The following GBE1 variants were observed in gnomAD, a reference collection of about 807,000 sequenced individuals.
GBE1 encodes the protein 1,4-alpha-glucan branching enzyme 1.
Under a neutral mutation model 88.8 loss-of-function variants are expected in GBE1, and 70 were observed. The ratio of observed to expected loss-of-function variants is 0.79; its 90% CI spans 0.65 to 0.96. The LOEUF (loss-of-function observed/expected upper bound fraction) is 0.96, where lower values mean the gene tolerates loss of function less well. Among genes scored for constraint, GBE1 ranks in the 40% least tolerant of loss-of-function variants. The pLI, the probability that GBE1 is intolerant of heterozygous loss-of-function variation, is 0.00. For synonymous variants in GBE1, 284 were observed against 300.1 expected (o/e 0.95, Z 0.56); for missense variants, 872 against 871.0 (o/e 1.00, Z -0.01).
chr3:81,679,436 G>T (rs1167446563), intron 2 of GBE1, among the ~76,000 whole-genome samples: 1 of 152,104 alleles, frequency 6.6e-6, no homozygotes, highest in East Asian at 1.9e-4. Context: ...ATCAATCAGG[G>T]TTCACTAAGA....
At chr3:81,541,148 A>G (rs1703137750) in intron 12 of GBE1, among the ~76,000 whole-genome samples, 1 of 151,972 alleles carries the variant, frequency 6.6e-6, no homozygotes, top group Non-Finnish European at 1.5e-5. Context: ...GCTTGCTGTT[A>G]GTATCTTGAC....
chr3:81,744,664 T>C (rs141738030), intron 1 of GBE1, among the ~76,000 whole-genome samples: 8 of 152,328 alleles, frequency 5.3e-5, no homozygotes, highest in African/African-American at 1.9e-4. Flanking sequence ...TTTTCAGATA[T>C]GATTTGCAAG....
chr3:81,734,996 A>G (rs1028301863), intron 1 of GBE1, among the ~76,000 whole-genome samples: 8 of 151,988 alleles, frequency 5.3e-5, no homozygotes, highest in Non-Finnish European at 7.4e-5. Context: ...CCTTTATCTG[A>G]TGTATCTACA....
chr3:81,642,698 A>G (rs1054683594), intron 7 of GBE1, 83 bp downstream of exon 7: 1 of 870,186 alleles, frequency 1.1e-6, no homozygotes, highest in Non-Finnish European at 1.9e-6. Context: ...GAGAGAGTAC[A>G]CACACAATGA....
chr3:81,527,225 T>C lies in GBE1; in HGVS notation c.1934+7970A>G, dbSNP rs534291269. On this transcript the variant is annotated intron_variant, in intron 14 of 15. Transcript: ENST00000429644. ...GCCTTATATTAAAATTAATTCAAGATGGATTAAATATTTACATGTTAGACC... is the reference window on the plus strand; with the variant it reads ...GCCTTATATTAAAATTAATTCAAGACGGATTAAATATTTACATGTTAGACC... 1.2e-3 allele frequency among the ~76,000 whole-genome samples: 184 copies of C among 152,234 alleles called. 1 individual carries two copies. The highest frequency in any genetic ancestry group is 4.3e-3 in the African/African-American group (179 of 41,544).
intron 1 of GBE1, among the ~76,000 whole-genome samples, chr3:81,728,231 G>A (rs1382216682): frequency 2.6e-5 from 4 of 152,032 alleles, no homozygotes; most frequent in African/African-American, 7.2e-5. Flanking sequence ...AATCAAAAAC[G>A]TCTGTCATCC....
At chr3:81,607,862 A>G (rs1172443848) in intron 7 of GBE1, among the ~76,000 whole-genome samples, 3 of 152,202 alleles carry the variant, frequency 2.0e-5, no homozygotes. Flanking sequence ...CTTTTATGTT[A>G]GAATTTTTAT....
At chr3:81,505,433 A>G (rs942510041) in intron 14 of GBE1, among the ~76,000 whole-genome samples, 1 of 152,214 alleles carries the variant, frequency 6.6e-6, no homozygotes, top group African/African-American at 2.4e-5. Context: ...AGGGCTTGCC[A>G]CAATGTTCCA....
At chr3:81,717,116 T>G (rs1705948324) in intron 1 of GBE1, among the ~76,000 whole-genome samples, 1 of 152,220 alleles carries the variant, frequency 6.6e-6, no homozygotes, top group African/African-American at 2.4e-5. Context: ...GGCAATGCTG[T>G]AACTGTTCAA....
intron 7 of GBE1, among the ~76,000 whole-genome samples, chr3:81,618,188 G>A (rs904072043): frequency 2.0e-5 from 3 of 151,916 alleles, no homozygotes; most frequent in Non-Finnish European, 2.9e-5. Flanking sequence ...CTTAGTTTTC[G>A]TTCATCTGAG....
rs751619568 is a variant in GBE1, at chr3:81,591,068, G to A, written c.1205C>T (p.Thr402Met). The stretch of plus-strand genomic sequence containing the variant: ...TATTGTTATAGAATCGGGACACAGC[G>A]TGTGAACCAAATGATTTGCCAACAT... ...YLMLANHLVH[T>M]LCPDSITIAE... Residue 402 changes from threonine (T) to methionine (M), a missense_variant, in exon 9 of 16, where the codon ACG becomes ATG. Coordinates refer to ENST00000429644, the MANE Select transcript of GBE1 (RefSeq NM_000158.4). 6 of 1,609,702 alleles carry A rather than the reference G, an allele frequency of 3.7e-6. No individual in the cohort carries two copies. In the Admixed American group the frequency reaches 5.0e-5, roughly 14 times the overall value.
At chr3:81,710,577 C>G (rs1047222724) in intron 1 of GBE1, among the ~76,000 whole-genome samples, 4 of 151,940 alleles carry the variant, frequency 2.6e-5, no homozygotes, top group African/African-American at 9.7e-5. Context: ...ATCCCTTAAT[C>G]TCCTTTTTCC....
intron 10 of GBE1, among the ~76,000 whole-genome samples, chr3:81,582,811 G>A (rs1177316469): frequency 3.9e-5 from 6 of 152,000 alleles, no homozygotes; most frequent in East Asian, 1.9e-4. Context: ...AAAACCATAA[G>A]AGAGTCAAAA....
At chr3:81,699,999 G>C (rs76294891) in intron 2 of GBE1, among the ~76,000 whole-genome samples, 1 of 152,180 alleles carries the variant, frequency 6.6e-6, no homozygotes, top group Non-Finnish European at 1.5e-5. Context: ...AGCCATCCTA[G>C]AGTTTCTTCA....
intron 12 of GBE1, among the ~76,000 whole-genome samples, chr3:81,541,621 T>G (rs1703144648): frequency 6.6e-6 from 1 of 151,996 alleles, no homozygotes; most frequent in Non-Finnish European, 1.5e-5. Flanking sequence ...TTTCTTCTGC[T>G]GTGGAGGATA....
At chr3:81,556,953 A>G (rs1217752203) in intron 12 of GBE1, among the ~76,000 whole-genome samples, 1 of 152,120 alleles carries the variant, frequency 6.6e-6, no homozygotes, top group East Asian at 1.9e-4. Context: ...TTTATCGAAC[A>G]TTTATTAAAT....
chr3:81,507,424 T>C (rs1462323621), intron 14 of GBE1, among the ~76,000 whole-genome samples: 4 of 151,786 alleles, frequency 2.6e-5, no homozygotes. Flanking sequence ...ATTAGCCAGG[T>C]GTGGTGGCGG....
chr3:81,520,536 T>C (rs2106845416), intron 14 of GBE1, among the ~76,000 whole-genome samples: 1 of 151,550 alleles, frequency 6.6e-6, no homozygotes, highest in East Asian at 1.9e-4. Context: ...AATGCCAACT[T>C]GATAATGTTC....
chr3:81,545,479 G>T (rs1485153684), intron 12 of GBE1, among the ~76,000 whole-genome samples: 1 of 152,102 alleles, frequency 6.6e-6, no homozygotes, highest in Non-Finnish European at 1.5e-5. Context: ...TGAGAGAAAG[G>T]ATGACATGCT....
Sources: allele counts gnomAD v4.1 joint callset (sites outside exome capture counted in the v4.1 genomes callset), GRCh38; gene constraint gnomAD v4.1.1; transcripts MANE v1.5; gene names NCBI Gene and HGNC (gene_info 2026-07-23, HGNC 2026-07-21).